Variants in EVI5L observed in about 807,000 individuals in gnomAD.
The protein encoded by EVI5L is EVI5-like protein.
Under a neutral mutation model 106.1 loss-of-function variants are expected in EVI5L, and 30 were observed. The observed-to-expected ratio is 0.28, with a 90% CI of 0.21 to 0.38. The LOEUF is 0.38. EVI5L is among the 10% of genes least tolerant of loss of function. EVI5L has a pLI of 1.00. For missense variants in EVI5L, 809 were observed against 1,098.0 expected, an observed-to-expected ratio of 0.74 and a Z score of 3.72; for synonymous variants, 489 against 483.3, an observed-to-expected ratio of 1.01 and a Z score of -0.15.
rs931454357 is a variant in EVI5L at position 7,860,481 on chromosome 19, G to A, written c.1375-80G>A. ...CCCTGCTGAAGGGCTCTGGGGAGGC[G>A]GGGAGAAGCCAGCAGGCATGGAGGC... On this transcript the variant is annotated intron_variant, in intron 13 of 19. Transcript: ENST00000538904. The A allele has an allele frequency of 6.0e-5, 77 of 1,287,162 alleles. No homozygotes were observed. In the African/African-American group the frequency reaches 8.3e-4, roughly 14 times the overall value. The allele number at this position is 1,287,162 out of a possible 1,614,324, so 79.7% of individuals were successfully genotyped here. A position where few individuals can be genotyped will look rare whatever the true frequency, so the allele number is the denominator to read the frequency against.
Position 7,848,809 on chromosome 19 carries a change from C to G in EVI5L, c.328-112C>G. 1.0e-6 allele frequency: 1 copy of G among 955,328 alleles called. No homozygotes were observed. Among genetic ancestry groups the G allele is most frequent in the East Asian group, 2.6e-5 (1 of 38,358 alleles). 59.2% of individuals were successfully genotyped at this position (955,328 alleles called of 1,614,324 possible). On this transcript the variant is annotated intron_variant, in intron 3 of 19. Coordinates refer to ENST00000538904, the MANE Select transcript of EVI5L (RefSeq NM_001159944.3). The surrounding 1 kb of genome is among the most constrained non-coding windows in gnomAD (Gnocchi z 4.8). ...AAAAAAGGATTGGGGACCATGAGTT[C>G]TGTGCCATGCTTGAGGCCTGGATGA...
rs143682580 is a variant in EVI5L, at chr19:7,861,510, C to T, written c.1504-368C>T. Among the ~76,000 whole-genome samples, 139 of 152,374 alleles carry T rather than the reference C, an allele frequency of 9.1e-4. 2 individuals are homozygous for T. In the East Asian group the frequency reaches 0.026, roughly 28 times the overall value. On this transcript the variant is annotated intron_variant, in intron 14 of 19. Transcript: ENST00000538904. ...GAGGGACTGCCTGGCCTGGTGTGGC[C>T]TGGCCTGGGGGCCAGAGGGCAGACA...
At position 7,858,519 on chromosome 19, in the gene EVI5L, C is replaced by A. The variant is rs1203034259; in HGVS notation, c.1374+188C>A. On this transcript the variant is annotated intron_variant, in intron 13 of 19. Coordinates refer to ENST00000538904, the MANE Select transcript of EVI5L (RefSeq NM_001159944.3). This position sits in a 1 kb window ranked among gnomAD's most constrained non-coding sequence, Gnocchi z 5.7. ...CCAGCAGCTCCACATTCTGAGACAT[C>A]CTGATATCCATTTCTTGCCACCTCA... 2 of 725,610 alleles carry A rather than the reference C, an allele frequency of 2.8e-6. No homozygotes were observed. The highest frequency in any genetic ancestry group is 3.0e-5 in the Admixed American group (1 of 33,192). 44.9% of individuals were successfully genotyped at this position (725,610 alleles called of 1,614,324 possible).
intron 1 of EVI5L, among the ~76,000 whole-genome samples, chr19:7,843,384 AGTGTGTGCATAGGTGTGT>A (rs1568235210): frequency 0.053 from 1,265 of 24,022 alleles, 17 homozygotes; most frequent in South Asian, 0.12. Flanking sequence ...GGGTGTGTCG[AGTGTGTGCATAGGTGTGT>A]GAGTGTGAGA....
At position 7,846,540 on chromosome 19, in the gene EVI5L, A is replaced by G. The variant is rs762642586; in HGVS notation, c.-3A>G. On this transcript the variant is annotated 5_prime_UTR_variant, in exon 2 of 20. Coordinates refer to ENST00000538904, the MANE Select transcript of EVI5L (RefSeq NM_001159944.3). The stretch of plus-strand genomic sequence containing the variant: ...CCGCTCACGGCTAACAAGCCCACCC[A>G]CCATGGCGAGCCCCACTCTGAGCCC... The G allele has an allele frequency of 3.7e-6, 6 of 1,606,888 alleles. No individual in the cohort carries two copies. Among genetic ancestry groups the G allele is most frequent in the Non-Finnish European group, 4.2e-6 (5 of 1,177,474 alleles).
At position 7,856,076 on chromosome 19, in the gene EVI5L, G is replaced by C. The variant is rs376323672; in HGVS notation, c.1200+8G>C. ...ATTGAAACCCTAGAGAAGGTGAGGG[G>C]CGTGGCCACTGTGAGGACATGGTCG... is the stretch of plus-strand genomic sequence containing the variant. On this transcript the variant is annotated splice_region_variant and intron_variant, in intron 11 of 19. Transcript: ENST00000538904. This position sits in a 1 kb window ranked among gnomAD's most constrained non-coding sequence, Gnocchi z 6.6. 1.5e-6 allele frequency: 2 copies of C among 1,322,308 alleles called. No individual in the cohort carries two copies. The highest frequency in any genetic ancestry group is 1.9e-6 in the Non-Finnish European group (2 of 1,026,458). 81.9% of individuals were successfully genotyped at this position (1,322,308 alleles called of 1,614,324 possible). A position where few individuals can be genotyped will look rare whatever the true frequency, so the allele number is the denominator to read the frequency against.
chr19:7,854,144 T>G (rs989495818), intron 10 of EVI5L, among the ~76,000 whole-genome samples: 1 of 151,352 alleles, frequency 6.6e-6, no homozygotes, highest in African/African-American at 2.4e-5. Context: ...TAGCTGGGTG[T>G]GGTAGCACAC....
rs1334630404 is a variant in EVI5L at position 7,856,000 on chromosome 19, C to T, written c.1147-15C>T. Reference sequence around the variant, plus strand: ...GGGGGGCGGGCTATGACGTGATCTCCCCCCACCCCCATAGAGACTTCGGAC... The same window carrying T: ...GGGGGGCGGGCTATGACGTGATCTCTCCCCACCCCCATAGAGACTTCGGAC... On this transcript the variant is annotated splice_polypyrimidine_tract_variant and intron_variant, in intron 10 of 19. Transcript: ENST00000538904. The T allele has an allele frequency of 6.0e-6, 8 of 1,326,226 alleles. No homozygotes were observed. Among genetic ancestry groups the T allele is most frequent in the African/African-American group, 3.0e-5 (2 of 66,400 alleles). 82.2% of individuals were successfully genotyped at this position (1,326,226 alleles called of 1,614,324 possible).
In EVI5L at chr19:7,863,354, G is replaced by A. The variant is rs1979946824; in HGVS notation, c.2140-70G>A. Reference sequence around the variant, plus strand: ...GGGACGAGCCGAGCGCAGGTGCCTTGCGGAGGATGCGGCTGGGAGGGCGGG... The same window carrying A: ...GGGACGAGCCGAGCGCAGGTGCCTTACGGAGGATGCGGCTGGGAGGGCGGG... On this transcript the variant is annotated intron_variant, in intron 19 of 19. Transcript: ENST00000538904. The surrounding 1 kb of genome is among the most constrained non-coding windows in gnomAD (Gnocchi z 7.7). 4 of 1,542,416 alleles carry A rather than the reference G, an allele frequency of 2.6e-6. No individual in the cohort carries two copies. The South Asian group carries it at 3.6e-5, about 14-fold the overall frequency.
chr19:7,863,805 C>A lies in EVI5L; in HGVS notation c.*103C>A. The A allele has an allele frequency of 1.0e-5, 14 of 1,390,038 alleles. No individual in the cohort carries two copies. The South Asian group carries it at 2.2e-4, about 22-fold the overall frequency. 86.1% of individuals were successfully genotyped at this position (1,390,038 alleles called of 1,614,324 possible). On this transcript the variant is annotated 3_prime_UTR_variant, in exon 20 of 20. Transcript: ENST00000538904. The surrounding 1 kb of genome is among the most constrained non-coding windows in gnomAD (Gnocchi z 7.7). ...CTGCCGCACTTGACAAACTACGCGC[C>A]CTCTGTGGCTCGGCCACCCCTAAAG...
At chr19:7,839,634 G>A (rs1344545663) in intron 1 of EVI5L, among the ~76,000 whole-genome samples, 3 of 151,856 alleles carry the variant, frequency 2.0e-5, no homozygotes, top group East Asian at 2.0e-4. Context: ...CATCAAGACA[G>A]CAGCTTTGGT....
chr19:7,853,062 AG>A, intron 8 of EVI5L, 23 bp from the exon 9 acceptor site: 7 of 1,613,100 alleles, frequency 4.3e-6, no homozygotes, highest in Non-Finnish European at 5.9e-6. Flanking sequence ...GTTGGTGACC[AG>A]GTGACCGGCT....
chr19:7,841,710 A>G (rs1599562203), intron 1 of EVI5L, among the ~76,000 whole-genome samples: 1 of 152,066 alleles, frequency 6.6e-6, no homozygotes, highest in Non-Finnish European at 1.5e-5. Flanking sequence ...AGAGGCTGGG[A>G]CCCCAGACCC....
chr19:7,857,400 G>T lies in EVI5L; in HGVS notation c.1233+276G>T, dbSNP rs1979582179. 2 of 590,222 alleles carry T rather than the reference G, an allele frequency of 3.4e-6. No individual in the cohort carries two copies. Among genetic ancestry groups the T allele is most frequent in the Non-Finnish European group, 6.0e-6 (2 of 330,730 alleles). The allele number at this position is 590,222 out of a possible 1,614,324, so 36.6% of individuals were successfully genotyped here. ...GAAAGCTTCCTCCGGGCGACACAGG[G>T]TGGGGACCCAGGAGGGCTGGGGAAC... On this transcript the variant is annotated intron_variant, in intron 12 of 19. Transcript: ENST00000538904. This position sits in a 1 kb window ranked among gnomAD's most constrained non-coding sequence, Gnocchi z 4.5.
chr19:7,839,906 G>A (rs1978523579), intron 1 of EVI5L, among the ~76,000 whole-genome samples: 1 of 151,870 alleles, frequency 6.6e-6, no homozygotes, highest in African/African-American at 2.4e-5. Flanking sequence ...GTCTCTAAAA[G>A]CAACAACAAC....
chr19:7,853,018 G>A, intron 8 of EVI5L, 68 bp from the exon 9 acceptor site: 1 of 1,553,436 alleles, frequency 6.4e-7, no homozygotes, highest in Non-Finnish European at 8.9e-7. Flanking sequence ...AGGGCAACAG[G>A]GCTCGGGCGG....
rs376830712 is a variant in EVI5L at position 7,853,037 on chromosome 19, G to A, written c.988-49G>A. The stretch of plus-strand genomic sequence containing the variant: ...CAACAGGGCTCGGGCGGCCCCCGGT[G>A]GTCAGGGCCTGCATGTTGGTGACCA... On this transcript the variant is annotated intron_variant, in intron 8 of 19. Transcript: ENST00000538904. 37 of 1,605,284 alleles carry A rather than the reference G, an allele frequency of 2.3e-5. No homozygotes were observed. In the Admixed American group the frequency reaches 4.3e-4, roughly 19 times the overall value.
At position 7,860,628 on chromosome 19, in the gene EVI5L, G is replaced by A. The variant is rs764558556; in HGVS notation, c.1442G>A (p.Arg481Gln). The change falls in exon 14 of 20, where the codon CGG (arginine) becomes CAG (glutamine). Residue 481 changes from arginine to glutamine, a missense_variant. Coordinates refer to ENST00000538904, the MANE Select transcript of EVI5L (RefSeq NM_001159944.3). The stretch of plus-strand genomic sequence containing the variant: ...ACCGAGCTGGAGCAGTCGAGGCTGC[G>A]GGAGACGGAGACACTGGGGGCCCTT... ...LETELEQSRL[R>Q]ETETLGALRE... 1 of 1,598,414 alleles carries A rather than the reference G, an allele frequency of 6.3e-7. No homozygotes were observed. Among genetic ancestry groups the A allele is most frequent in the Non-Finnish European group, 8.5e-7 (1 of 1,172,776 alleles).
At chr19:7,855,746 AAC>A (rs1459300039) in intron 10 of EVI5L, among the ~76,000 whole-genome samples, 4 of 152,198 alleles carry the variant, frequency 2.6e-5, no homozygotes, top group Non-Finnish European at 5.9e-5. Context: ...CTGGCCCCCA[AAC>A]ACACACACAG....
Sources: allele counts gnomAD v4.1 joint callset (sites outside exome capture counted in the v4.1 genomes callset), GRCh38; gene constraint gnomAD v4.1.1; non-coding constraint Gnocchi (gnomAD v3.1); transcripts MANE v1.5; gene names NCBI Gene and HGNC (gene_info 2026-07-23, HGNC 2026-07-21).